The following CCL28 variants were observed in gnomAD, a reference collection of about 807,000 sequenced individuals.
CCL28 encodes the protein C-C motif chemokine ligand 28, also known as C-C motif chemokine 28.
CCL28 carries 4 observed loss-of-function variants against 7.1 expected under a neutral mutation model. The observed-to-expected ratio is 0.56, with a 90% CI of 0.28 to 1.29. The LOEUF is 1.29. Among genes scored for constraint, CCL28 ranks in the 50% most tolerant of loss-of-function variants. The pLI is 0.11. For missense variants in CCL28, 151 were observed against 163.4 expected (o/e 0.92, Z 0.41); for synonymous variants, 55 against 57.8 (o/e 0.95, Z 0.22).
the CCL28 span, among the ~76,000 whole-genome samples, chr5:43,360,973 C>G: frequency 6.6e-6 from 1 of 152,096 alleles, no homozygotes; most frequent in African/African-American, 2.4e-5. Flanking sequence ...TCCTCATGCT[C>G]TCCCTCCCCT....
Position 43,381,780 on chromosome 5 carries a change from G to A in CCL28, c.*80C>T. The stretch of plus-strand genomic sequence containing the variant: ...TTTGTTCTGTTGTCTACAATAAGGA[G>A]AATTCAGATGATAAACTTACAACCA... On this transcript the variant is annotated 3_prime_UTR_variant, in exon 3 of 3. Transcript: ENST00000361115. 8.5e-7 allele frequency: 1 copy of A among 1,177,288 alleles called. No homozygotes were observed. Among genetic ancestry groups the A allele is most frequent in the Non-Finnish European group, 1.2e-6 (1 of 819,498 alleles). The allele number at this position is 1,177,288 out of a possible 1,614,324, so 72.9% of individuals were successfully genotyped here. A position where few individuals can be genotyped will look rare whatever the true frequency, so the allele number is the denominator to read the frequency against.
At chr5:43,357,821 T>C in the CCL28 span, among the ~76,000 whole-genome samples, 1 of 152,156 alleles carries the variant, frequency 6.6e-6, no homozygotes, top group Non-Finnish European at 1.5e-5. Context: ...GACAGGGGCA[T>C]GTTATTTTAA....
downstream of CCL28, among the ~76,000 whole-genome samples, chr5:43,375,458 T>TAAAAAAAA (rs56289620): frequency 1.2e-4 from 4 of 32,748 alleles, no homozygotes; most frequent in Non-Finnish European, 1.5e-4. Context: ...GACAGAAAGC[T>TAAAAAAAA]AAAAAAAAAA....
At chr5:43,387,797 A>G (rs1740402597) in intron 2 of CCL28, among the ~76,000 whole-genome samples, 1 of 152,106 alleles carries the variant, frequency 6.6e-6, no homozygotes, top group East Asian at 1.9e-4. Flanking sequence ...GGCTAGTTTT[A>G]AAGTTTTTTG....
chr5:43,362,616 T>C, the CCL28 span, among the ~76,000 whole-genome samples: 1 of 152,206 alleles, frequency 6.6e-6, no homozygotes, highest in Non-Finnish European at 1.5e-5. Flanking sequence ...AATATTTTAC[T>C]TGAATTATTT....
downstream of CCL28, among the ~76,000 whole-genome samples, chr5:43,374,654 G>T (rs1316602725): frequency 6.6e-6 from 1 of 152,012 alleles, no homozygotes; most frequent in South Asian, 2.1e-4. Flanking sequence ...GATGGTGCAC[G>T]CCTGTAATCC....
In CCL28 at chr5:43,388,473, A is replaced by G; in HGVS notation, c.68T>C (p.Ile23Thr). 6.2e-7 allele frequency: 1 copy of G among 1,613,812 alleles called. No individual in the cohort carries two copies. Among genetic ancestry groups the G allele is most frequent in the Non-Finnish European group, 8.5e-7 (1 of 1,179,944 alleles). Residue 23 changes from isoleucine (I) to threonine (T), a missense_variant, in exon 2 of 3, where the codon ATA becomes ACA. By Grantham distance (89) the Ile-to-Thr change is moderately conservative (BLOSUM62 -1). Transcript: ENST00000361115. ...VCAALHASEA[I>T]LPIASSCCTE... ...GCAACAGCTGGAGGCAATGGGAAGT[A>G]TGGCTAAAAGAAGAAAAGAAAGAAA...
chr5:43,367,715 C>T, the CCL28 span, among the ~76,000 whole-genome samples: 1 of 152,168 alleles, frequency 6.6e-6, no homozygotes, highest in East Asian at 1.9e-4. Context: ...TAACCAATCC[C>T]AGTGAGGTGA....
intron 1 of CCL28, among the ~76,000 whole-genome samples, chr5:43,391,177 A>G (rs1740556035): frequency 6.6e-6 from 1 of 152,220 alleles, no homozygotes; most frequent in Non-Finnish European, 1.5e-5. Flanking sequence ...ACTTGGGTCC[A>G]TCTTTATCAA....
chr5:43,395,846 AC>A (rs908196430), intron 1 of CCL28, among the ~76,000 whole-genome samples: 1 of 131,378 alleles, frequency 7.6e-6, no homozygotes, highest in Non-Finnish European at 1.6e-5. Flanking sequence ...TTCATGCCTT[AC>A]CCCCCGCCTT....
At chr5:43,388,313 T>C in intron 2 of CCL28, 37 bp downstream of exon 2, 4 of 1,610,558 alleles carry the variant, frequency 2.5e-6, no homozygotes, top group Non-Finnish European at 3.4e-6. Flanking sequence ...AAATAATCAC[T>C]GTGCAGGTTT....
intron 2 of CCL28, among the ~76,000 whole-genome samples, chr5:43,382,487 T>C (rs562792505): frequency 6.6e-6 from 1 of 152,314 alleles, no homozygotes; most frequent in Non-Finnish European, 1.5e-5. Context: ...CCGTAAGGAT[T>C]TGTAGATTCT....
chr5:43,378,786 C>A (rs977243417), downstream of CCL28, among the ~76,000 whole-genome samples: 2 of 152,034 alleles, frequency 1.3e-5, no homozygotes, highest in Admixed American at 1.3e-4. Context: ...CATGGTGAAA[C>A]CCTGTCTCTA....
At chr5:43,362,648 T>C in the CCL28 span, among the ~76,000 whole-genome samples, 3 of 152,224 alleles carry the variant, frequency 2.0e-5, no homozygotes, top group Admixed American at 2.0e-4. Flanking sequence ...ATTGTGAATA[T>C]GTTTGCTCTG....
At chr5:43,389,907 T>C (rs181500548) in intron 1 of CCL28, among the ~76,000 whole-genome samples, 1 of 152,280 alleles carries the variant, frequency 6.6e-6, no homozygotes, top group East Asian at 1.9e-4. Flanking sequence ...AACTGGGTAG[T>C]TCCGAATAGG....
At chr5:43,365,169 T>C in the CCL28 span, among the ~76,000 whole-genome samples, 4 of 152,180 alleles carry the variant, frequency 2.6e-5, no homozygotes, top group Admixed American at 2.0e-4. Flanking sequence ...CATATCCAGC[T>C]AATTTTTGTA....
intron 1 of CCL28, among the ~76,000 whole-genome samples, chr5:43,406,463 ACT>A: frequency 6.6e-6 from 1 of 152,066 alleles, no homozygotes; most frequent in Non-Finnish European, 1.5e-5. Flanking sequence ...CATGCTAAAA[ACT>A]CTCAATAAAT....
chr5:43,393,335 C>T (rs370925366), intron 1 of CCL28, among the ~76,000 whole-genome samples: 11 of 151,358 alleles, frequency 7.3e-5, no homozygotes, highest in African/African-American at 2.7e-4. Context: ...CCACACCCAT[C>T]CCTTTCTTCC....
chr5:43,395,882 G>A (rs1383045125), intron 1 of CCL28, among the ~76,000 whole-genome samples: 2 of 99,670 alleles, frequency 2.0e-5, no homozygotes, highest in African/African-American at 7.9e-5. Context: ...TTTTTTTTGA[G>A]ACGGAGTATC....
Sources: allele counts gnomAD v4.1 joint callset (sites outside exome capture counted in the v4.1 genomes callset), GRCh38; gene constraint gnomAD v4.1.1; transcripts MANE v1.5; gene names NCBI Gene and HGNC (gene_info 2026-07-23, HGNC 2026-07-21).